The following STXBP6 variants were observed in gnomAD, a reference collection of about 807,000 sequenced individuals.
STXBP6 encodes syntaxin-binding protein 6.
A neutral mutation model predicts 26.9 loss-of-function variants in STXBP6; 21 were observed. The ratio of observed to expected loss-of-function variants is 0.78; its 90% CI spans 0.55 to 1.12. The LOEUF (loss-of-function observed/expected upper bound fraction) is 1.12, where lower values mean the gene tolerates loss of function less well. Ranked by LOEUF, STXBP6 falls within the 50% of genes most tolerant of loss-of-function variation. The pLI is 0.00. For missense variants in STXBP6, 232 were observed against 257.9 expected (o/e 0.90, Z 0.69); for synonymous variants, 97 against 92.6 (o/e 1.05, Z -0.27).
chr14:24,862,894 C>T (rs750273022), intron 2 of STXBP6, among the ~76,000 whole-genome samples: 10 of 152,216 alleles, frequency 6.6e-5, no homozygotes, highest in South Asian at 6.2e-4. Context: ...ACTTTGCAGG[C>T]GGTACTAGCT....
chr14:24,904,837 T>C (rs1364929886), intron 2 of STXBP6, among the ~76,000 whole-genome samples: 1 of 152,240 alleles, frequency 6.6e-6, no homozygotes, highest in African/African-American at 2.4e-5. Flanking sequence ...TGTGGTATTC[T>C]GGATATGGCA....
rs138326923 is a variant in STXBP6, at chr14:24,967,278, A to G, written c.154+7387T>C. On this transcript the variant is annotated intron_variant, in intron 2 of 5. Coordinates refer to ENST00000323944, the MANE Select transcript of STXBP6 (RefSeq NM_001394410.1). ...TCTGAACTCAATAAATACCACAACT[A>G]CTATTATTATTACTATTACTGATCC... 1.0e-3 allele frequency among the ~76,000 whole-genome samples: 152 copies of G among 152,314 alleles called. No homozygotes were observed. The East Asian group carries it at 0.019, about 19-fold the overall frequency.
intron 2 of STXBP6, among the ~76,000 whole-genome samples, chr14:24,894,787 C>A (rs902367795): frequency 6.6e-6 from 1 of 152,194 alleles, no homozygotes; most frequent in African/African-American, 2.4e-5. Flanking sequence ...TGGTAGCTAG[C>A]AGACGAAAGG....
At chr14:25,031,717 A>ATTT (rs58317547) in intron 1 of STXBP6, among the ~76,000 whole-genome samples, 4 of 141,066 alleles carry the variant, frequency 2.8e-5, no homozygotes, top group Non-Finnish European at 4.7e-5. Flanking sequence ...CTCCCAAGCA[A>ATTT]TTTTTTTTTT....
chr14:24,994,733 G>C (rs2074557450), intron 1 of STXBP6: 1 of 152,270 alleles, frequency 6.6e-6, no homozygotes, highest in Admixed American at 6.5e-5. Flanking sequence ...ATATGGCCGA[G>C]TGTGGTGGCT....
At chr14:25,006,402 C>CAT (rs1305487542) in intron 1 of STXBP6, among the ~76,000 whole-genome samples, 6 of 152,130 alleles carry the variant, frequency 3.9e-5, no homozygotes, top group Admixed American at 1.3e-4. Context: ...TCTAAGGCTG[C>CAT]ATATGTATAT....
At chr14:25,040,988 A>G (rs114958278) in intron 1 of STXBP6, among the ~76,000 whole-genome samples, 2,430 of 152,342 alleles carry the variant, frequency 0.016, 61 homozygotes, top group African/African-American at 0.054. Flanking sequence ...AGCTCCTTAT[A>G]TAAGTGCCAA....
chr14:24,925,268 T>C (rs2072120655), intron 2 of STXBP6, among the ~76,000 whole-genome samples: 1 of 152,208 alleles, frequency 6.6e-6, no homozygotes, highest in Non-Finnish European at 1.5e-5. Flanking sequence ...TGCACATAGA[T>C]GAACAAAGCC....
intron 2 of STXBP6, 145 bp downstream of exon 2, chr14:24,974,520 A>T: frequency 1.6e-6 from 1 of 631,434 alleles, no homozygotes; most frequent in Non-Finnish European, 2.5e-6. Context: ...TCACCAGTAA[A>T]GAGGAAGACC....
chr14:24,976,848 C>A (rs936084989), intron 1 of STXBP6, among the ~76,000 whole-genome samples: 2 of 83,628 alleles, frequency 2.4e-5, no homozygotes, highest in Non-Finnish European at 4.2e-5. Context: ...GCTGACTGGG[C>A]GCTCTTTTTT....
intron 1 of STXBP6, among the ~76,000 whole-genome samples, chr14:24,982,722 C>T (rs56362631): frequency 0.083 from 12,560 of 152,222 alleles, 1,716 homozygotes; most frequent in African/African-American, 0.28. Flanking sequence ...TTCATCTCCT[C>T]TTTCCTTGTT....
chr14:24,931,003 T>C (rs12878849), intron 2 of STXBP6, among the ~76,000 whole-genome samples: 29,449 of 132,920 alleles, frequency 0.22, 3,469 homozygotes, highest in African/African-American at 0.34. Context: ...CCCAGCTACT[T>C]GGGAGGCTGA....
chr14:24,909,002 G>A (rs541449547), intron 2 of STXBP6, among the ~76,000 whole-genome samples: 40 of 152,204 alleles, frequency 2.6e-4, no homozygotes, highest in Non-Finnish European at 5.3e-4. Context: ...AAAATACACA[G>A]TAGTAAAATT....
intron 1 of STXBP6, among the ~76,000 whole-genome samples, chr14:24,983,132 G>A (rs1025806021): frequency 6.6e-6 from 1 of 152,120 alleles, no homozygotes; most frequent in African/African-American, 2.4e-5. Flanking sequence ...TACACTCATT[G>A]GTGTATTATG....
At chr14:24,862,151 C>A (rs1219271508) in intron 2 of STXBP6, among the ~76,000 whole-genome samples, 3 of 152,058 alleles carry the variant, frequency 2.0e-5, no homozygotes, top group African/African-American at 7.2e-5. Context: ...CACATGTGTG[C>A]CACTACACCC....
At chr14:24,998,624 G>C (rs1036685533) in intron 1 of STXBP6, among the ~76,000 whole-genome samples, 3 of 152,092 alleles carry the variant, frequency 2.0e-5, no homozygotes, top group African/African-American at 7.2e-5. Context: ...AGCTACTTTG[G>C]CCCAACTGTT....
intron 1 of STXBP6, among the ~76,000 whole-genome samples, chr14:25,015,469 T>C (rs893424694): frequency 2.0e-5 from 3 of 150,950 alleles, no homozygotes; most frequent in African/African-American, 7.3e-5. Context: ...ATTCCACACC[T>C]GGCAAGACAA....
chr14:24,884,826 T>C (rs761750068), intron 2 of STXBP6, among the ~76,000 whole-genome samples: 1 of 152,214 alleles, frequency 6.6e-6, no homozygotes, highest in African/African-American at 2.4e-5. Flanking sequence ...ACACTCAGTA[T>C]GAAATGCTGA....
intron 2 of STXBP6, among the ~76,000 whole-genome samples, chr14:24,874,826 A>G (rs1051399991): frequency 3.3e-5 from 5 of 152,036 alleles, no homozygotes; most frequent in African/African-American, 7.2e-5. Context: ...TTACACATCG[A>G]CCGGCTGTCT....
Sources: gnomAD v4.1 joint callset for allele counts (sites outside exome capture counted in the v4.1 genomes callset) on GRCh38, gnomAD v4.1.1 for gene constraint, MANE v1.5 for transcripts, NCBI Gene and HGNC (gene_info 2026-07-23, HGNC 2026-07-21) for gene names.